DNAH17: variants seen among roughly 807,000 people sequenced by gnomAD.
DNAH17 encodes the protein axonemal beta dynein heavy chain 17.
DNAH17 carries 376 observed loss-of-function variants against 485.6 expected under a neutral mutation model. The observed-to-expected ratio is 0.77, with a 90% CI of 0.71 to 0.84. DNAH17 has a LOEUF of 0.84. DNAH17 is among the 40% of genes least tolerant of loss of function. DNAH17 has a pLI of 0.00. For synonymous variants in DNAH17, 3,031 were observed against 2,405.9 expected (o/e 1.26, Z -7.60); for missense variants, 6,370 against 5,839.3 (o/e 1.09, Z -2.96).
At chr17:78,505,193 G>C (rs1212004840) in intron 31 of DNAH17, 100 bp downstream of exon 31, 13 of 1,497,840 alleles carry the variant, frequency 8.7e-6, no homozygotes, top group Admixed American at 5.9e-5. Context: ...CAGCTGCACA[G>C]GGTGCTGGTT....
At chr17:78,503,968 A>AAAAC (rs200201713) in intron 31 of DNAH17, among the ~76,000 whole-genome samples, 59 of 145,202 alleles carry the variant, frequency 4.1e-4, no homozygotes, top group Non-Finnish European at 6.6e-4. Flanking sequence ...CTCCATCTCA[A>AAAAC]AAACAAACAA....
At position 78,567,159 on chromosome 17, in the gene DNAH17, T is replaced by C. The variant is rs572113565; in HGVS notation, c.1292A>G (p.Tyr431Cys). Residue 431 changes from tyrosine (Y) to cysteine (C), a missense_variant, in exon 10 of 81, where the codon TAT becomes TGT. By Grantham distance (194) the Tyr-to-Cys change is radical (BLOSUM62 -2). Transcript: ENST00000389840. ...CTTCAGAAACTCAATTGCTGTTTTATAGAGTTCCTAGTGGAGGAGAAAAAC... is the reference window on the plus strand; with the variant it reads ...CTTCAGAAACTCAATTGCTGTTTTACAGAGTTCCTAGTGGAGGAGAAAAAC... ...FQRIQTIEEL[Y>C]KTAIEFLKLE... 8.1e-6 allele frequency: 13 copies of C among 1,598,180 alleles called. No individual in the cohort carries two copies. Among genetic ancestry groups the C allele is most frequent in the Non-Finnish European group, 1.0e-5 (12 of 1,172,190 alleles).
Position 78,558,112 on chromosome 17 carries a change from T to G in DNAH17, c.2174A>C (p.Asn725Thr), listed in dbSNP as rs570590093. Reference protein sequence around the residue: ...GNLELIVGWYNEIKTIVKAVE... With the variant: ...GNLELIVGWYTEIKTIVKAVE... ...AGTACCGACTCACCAACTCACCTCATTATACCAGCCAACGATGAGCTCCAG... is the reference window on the plus strand; with the variant it reads ...AGTACCGACTCACCAACTCACCTCAGTATACCAGCCAACGATGAGCTCCAG... Residue 725 changes from asparagine (N) to threonine (T), a missense_variant, in exon 14 of 81, where the codon AAT (asparagine) becomes ACT (threonine). Coordinates refer to ENST00000389840, the MANE Select transcript of DNAH17 (RefSeq NM_173628.4). 58 of 1,613,370 alleles carry G rather than the reference T, an allele frequency of 3.6e-5. No homozygotes were observed. The South Asian group carries it at 6.3e-4, about 17-fold the overall frequency.
At chr17:78,442,609 TTAA>T (rs1363388316) in intron 71 of DNAH17, among the ~76,000 whole-genome samples, 1 of 152,218 alleles carries the variant, frequency 6.6e-6, no homozygotes, top group African/African-American at 2.4e-5. Context: ...TGTGGATGAA[TTAA>T]TGATGCAGAA....
intron 48 of DNAH17, among the ~76,000 whole-genome samples, chr17:78,481,541 TG>T (rs1205952943): frequency 6.6e-6 from 1 of 152,198 alleles, no homozygotes; most frequent in Non-Finnish European, 1.5e-5. Context: ...GCTGGGGCTC[TG>T]GGAAGTTGGT....
At chr17:78,452,143 C>T (rs2087580732) in intron 65 of DNAH17, among the ~76,000 whole-genome samples, 2 of 151,920 alleles carry the variant, frequency 1.3e-5, no homozygotes, top group Admixed American at 1.3e-4. Flanking sequence ...CTAGCTTCAC[C>T]CCTCAGCACT....
rs764087489 is a variant in DNAH17 at position 78,567,086 on chromosome 17, G to C, written c.1365C>G (p.Ser455Arg). Residue 455 changes from serine to arginine, a missense_variant, in exon 10 of 81, where the codon AGC (serine) becomes AGG (arginine). By Grantham distance (110) the Ser-to-Arg change is moderately radical. Transcript: ENST00000389840. Reference protein sequence around the residue: ...LGGVRGNLLGSLVTRIYDEVF... With the variant: ...LGGVRGNLLGRLVTRIYDEVF... ...CCTCATCATAGATACGGGTCACCAGGCTCCCGAGGAGGTTCCCACGCACGC... is the reference window on the plus strand; with the variant it reads ...CCTCATCATAGATACGGGTCACCAGCCTCCCGAGGAGGTTCCCACGCACGC... 3 of 1,613,188 alleles carry C rather than the reference G, an allele frequency of 1.9e-6. No individual in the cohort carries two copies. The highest frequency in any genetic ancestry group is 2.2e-5 in the East Asian group (1 of 44,876).
intron 75 of DNAH17, among the ~76,000 whole-genome samples, chr17:78,431,563 G>T (rs976069770): frequency 6.6e-6 from 1 of 151,890 alleles, no homozygotes; most frequent in Non-Finnish European, 1.5e-5. Flanking sequence ...TGTTCCGTTC[G>T]CATGGGAATC....
intron 36 of DNAH17, 39 bp from the exon 37 acceptor site, chr17:78,499,151 G>C (rs572631868): frequency 2.1e-6 from 3 of 1,447,884 alleles, no homozygotes; most frequent in Non-Finnish European, 2.8e-6. Context: ...AGCTGGGAGG[G>C]TGACAGGGAG....
intron 14 of DNAH17, among the ~76,000 whole-genome samples, chr17:78,553,283 G>GTGTTTTTTTTTTTTT (rs2091945217): frequency 2.0e-5 from 1 of 51,018 alleles, no homozygotes; most frequent in Admixed American, 2.7e-4. Context: ...AGGTTTTTGT[G>GTGTTTTTTTTTTTTT]TTTTTTTTTT....
chr17:78,526,193 G>T (rs142642586), intron 24 of DNAH17, among the ~76,000 whole-genome samples: 2 of 152,354 alleles, frequency 1.3e-5, no homozygotes, highest in East Asian at 3.9e-4. Flanking sequence ...AGTGGGAACA[G>T]AGTGGGAACA....
intron 25 of DNAH17, 104 bp downstream of exon 25, chr17:78,524,905 C>T (rs2091024865): frequency 6.8e-7 from 1 of 1,471,824 alleles, no homozygotes; most frequent in African/African-American, 1.4e-5. Flanking sequence ...ACCTTCTTGT[C>T]ACATTCTTAC....
At chr17:78,472,174 G>C (rs998389824) in intron 54 of DNAH17, among the ~76,000 whole-genome samples, 39 of 152,292 alleles carry the variant, frequency 2.6e-4, no homozygotes, top group African/African-American at 9.1e-4. Context: ...AATGCCACTG[G>C]CAGTAGACAG....
chr17:78,435,169 C>T (rs1008939061), intron 74 of DNAH17, among the ~76,000 whole-genome samples: 1 of 152,108 alleles, frequency 6.6e-6, no homozygotes, highest in Non-Finnish European at 1.5e-5. Flanking sequence ...CTGGGGAGGG[C>T]GCTGGCAGTG....
chr17:78,518,626 GAAC>G (rs2090851164), intron 25 of DNAH17, among the ~76,000 whole-genome samples: 1 of 152,126 alleles, frequency 6.6e-6, no homozygotes, highest in Non-Finnish European at 1.5e-5. Flanking sequence ...TAAAAGGACA[GAAC>G]AACACAACCA....
intron 23 of DNAH17, 56 bp from the exon 24 acceptor site, chr17:78,526,793 G>A (rs1598643966): frequency 6.4e-7 from 1 of 1,564,438 alleles, no homozygotes; most frequent in East Asian, 2.3e-5. Flanking sequence ...CTGCCCCAAG[G>A]GTGGCCCCAC....
At chr17:78,497,673 G>A (rs1350364444) in intron 37 of DNAH17, among the ~76,000 whole-genome samples, 1 of 152,222 alleles carries the variant, frequency 6.6e-6, no homozygotes, top group Admixed American at 6.5e-5. Context: ...CAGCCCTGGG[G>A]CTGGGGAATG....
chr17:78,450,779 G>T lies in DNAH17; in HGVS notation c.10802C>A (p.Ala3601Asp). The T allele has an allele frequency of 6.2e-7, 1 of 1,614,046 alleles. No homozygotes were observed. The highest frequency in any genetic ancestry group is 8.5e-7 in the Non-Finnish European group (1 of 1,179,896). ...GTTCCCCGACGCAGCCGACAGACGGGCCAGGAGCGAATCTTCCAGCTCTTT... is the reference window on the plus strand; with the variant it reads ...GTTCCCCGACGCAGCCGACAGACGGTCCAGGAGCGAATCTTCCAGCTCTTT... ...VLKELEDSLL[A>D]RLSAASGNFL... Residue 3601 changes from alanine (A) to aspartate (D), a missense_variant, in exon 67 of 81, where the codon GCC becomes GAC. Coordinates refer to ENST00000389840, the MANE Select transcript of DNAH17 (RefSeq NM_173628.4).
At chr17:78,531,883 C>T (rs1417901041) in intron 20 of DNAH17, among the ~76,000 whole-genome samples, 2 of 152,232 alleles carry the variant, frequency 1.3e-5, no homozygotes, top group Non-Finnish European at 2.9e-5. Flanking sequence ...TTTCTGTGTT[C>T]TTCATGCTCT....
Sources: allele counts gnomAD v4.1 joint callset (sites outside exome capture counted in the v4.1 genomes callset), GRCh38; gene constraint gnomAD v4.1.1; transcripts MANE v1.5; gene names NCBI Gene and HGNC (gene_info 2026-07-23, HGNC 2026-07-21).